RBFOX1: variants seen among roughly 807,000 people sequenced by gnomAD.
The protein encoded by RBFOX1 is RNA binding fox-1 homolog 1, also known as RNA binding protein fox-1 homolog 1.
A neutral mutation model predicts 57.7 loss-of-function variants in RBFOX1; 8 were observed. The ratio of observed to expected loss-of-function variants is 0.14; its 90% confidence interval spans 0.08 to 0.25. The LOEUF (loss-of-function observed/expected upper bound fraction) is 0.25, where lower values mean the gene tolerates loss of function less well. Ranked by LOEUF, RBFOX1 falls within the 10% of genes least tolerant of loss-of-function variation. RBFOX1 has a pLI of 1.00. For synonymous variants in RBFOX1, 326 were observed against 222.4 expected, an observed-to-expected ratio of 1.47 and a Z score of -4.15; for missense variants, 611 against 548.5, an observed-to-expected ratio of 1.11 and a Z score of -1.14.
intron 1 of RBFOX1, among the ~76,000 whole-genome samples, chr16:5,330,954 C>A (rs998377946): frequency 7.0e-6 from 1 of 143,820 alleles, no homozygotes; most frequent in Non-Finnish European, 1.5e-5. Flanking sequence ...CTTTAGATAG[C>A]AAAGCACAAA....
chr16:5,387,020 C>G (rs1249440258), intron 1 of RBFOX1, among the ~76,000 whole-genome samples: 2 of 152,282 alleles, frequency 1.3e-5, no homozygotes, highest in Non-Finnish European at 2.9e-5. Context: ...CATTGCACTC[C>G]AGCCTGGGCA....
At chr16:6,923,101 A>C (rs915134803) in intron 3 of RBFOX1, among the ~76,000 whole-genome samples, 3 of 152,186 alleles carry the variant, frequency 2.0e-5, no homozygotes, top group African/African-American at 4.8e-5. Flanking sequence ...GCAATGAGAG[A>C]AAGTGATTTG....
rs369331178 is a variant in RBFOX1 at position 6,083,708 on chromosome 16, C to G, written c.-127+63716C>G. Among the ~76,000 whole-genome samples the G allele has an allele frequency of 7.9e-5, 12 of 152,202 alleles. No homozygotes were observed. In the East Asian group the frequency reaches 1.2e-3, roughly 15 times the overall value. ...CCCAGGCTGGACTCAAACTCCCAGG[C>G]TCATGCGATCCTCCTACCTTGGCCT... On this transcript the variant is annotated intron_variant, in intron 1 of 15. Coordinates refer to ENST00000550418, the MANE Select transcript of RBFOX1 (RefSeq NM_018723.4).
chr16:6,707,988 C>T (rs926049577), intron 3 of RBFOX1, among the ~76,000 whole-genome samples: 2 of 152,136 alleles, frequency 1.3e-5, no homozygotes, highest in Admixed American at 1.3e-4. Context: ...ACCTAGACAT[C>T]AGGTAGTGCT....
chr16:6,912,321 T>A (rs2071846175), intron 3 of RBFOX1, among the ~76,000 whole-genome samples: 1 of 152,076 alleles, frequency 6.6e-6, no homozygotes, highest in South Asian at 2.1e-4. Context: ...AGCTCTGGGG[T>A]GGAGCTCTGT....
chr16:5,602,095 G>A (rs531250405), downstream of RBFOX1, among the ~76,000 whole-genome samples: 7 of 152,210 alleles, frequency 4.6e-5, no homozygotes, highest in African/African-American at 1.7e-4. Context: ...CAGGGCTGCT[G>A]AGCTGGGTCC....
chr16:6,752,896 G>C (rs1421541428), intron 3 of RBFOX1, among the ~76,000 whole-genome samples: 1 of 151,676 alleles, frequency 6.6e-6, no homozygotes, highest in Admixed American at 6.6e-5. Flanking sequence ...TTCTCCCAGA[G>C]AATTTTTATC....
At chr16:6,772,159 G>A (rs2078401399) in intron 3 of RBFOX1, among the ~76,000 whole-genome samples, 1 of 152,062 alleles carries the variant, frequency 6.6e-6, no homozygotes, top group African/African-American at 2.4e-5. Context: ...GGTGGTTCCG[G>A]TGTGGGCAAA....
At chr16:6,742,544 C>G (rs1257552139) in intron 3 of RBFOX1, among the ~76,000 whole-genome samples, 1 of 152,116 alleles carries the variant, frequency 6.6e-6, no homozygotes, top group Non-Finnish European at 1.5e-5. Flanking sequence ...CAATTATTGT[C>G]AGCAGTTTTA....
At chr16:6,249,774 T>TC (rs2097592950) in intron 1 of RBFOX1, among the ~76,000 whole-genome samples, 1 of 148,960 alleles carries the variant, frequency 6.7e-6, no homozygotes. Context: ...TTTTTTTTCT[T>TC]TTTTTTTTTT....
At chr16:5,613,243 G>C (rs752408814) in intron 3 of RBFOX1, among the ~76,000 whole-genome samples, 41 of 152,164 alleles carry the variant, frequency 2.7e-4, no homozygotes, top group Non-Finnish European at 4.7e-4. Context: ...CCCAACATGT[G>C]GGTGGACATC....
chr16:6,494,234 C>T (rs2095704775), intron 2 of RBFOX1, among the ~76,000 whole-genome samples: 1 of 152,164 alleles, frequency 6.6e-6, no homozygotes, highest in African/African-American at 2.4e-5. Flanking sequence ...CCTAAGGTTA[C>T]TTGCACGTAT....
chr16:6,712,831 C>G (rs1159393662), intron 3 of RBFOX1, among the ~76,000 whole-genome samples: 3 of 151,506 alleles, frequency 2.0e-5, no homozygotes, highest in Admixed American at 2.0e-4. Context: ...GCTCTCATCA[C>G]CCTCATGTGT....
chr16:7,683,520 G>C (rs1451395688), intron 14 of RBFOX1, among the ~76,000 whole-genome samples: 1 of 152,100 alleles, frequency 6.6e-6, no homozygotes, highest in Non-Finnish European at 1.5e-5. Flanking sequence ...CCACCAAGGA[G>C]TTGGGGAGAG....
intron 3 of RBFOX1, among the ~76,000 whole-genome samples, chr16:6,981,318 C>G (rs1456717657): frequency 6.6e-6 from 1 of 151,976 alleles, no homozygotes; most frequent in Non-Finnish European, 1.5e-5. Context: ...CTCTATGTGT[C>G]CATGTGTTCT....
chr16:7,659,878 T>A (rs1372756152), intron 12 of RBFOX1, among the ~76,000 whole-genome samples: 1 of 152,192 alleles, frequency 6.6e-6, no homozygotes, highest in Non-Finnish European at 1.5e-5. Context: ...CACAGATGCC[T>A]TTAATAATCT....
At chr16:5,971,698 G>A (rs2059964514) in intron 4 of RBFOX1, among the ~76,000 whole-genome samples, 1 of 152,136 alleles carries the variant, frequency 6.6e-6, no homozygotes, top group East Asian at 1.9e-4. Flanking sequence ...ATATACGAAG[G>A]ATATGAAGGA....
At chr16:6,816,112 A>C (rs967090341) in intron 3 of RBFOX1, among the ~76,000 whole-genome samples, 1 of 152,128 alleles carries the variant, frequency 6.6e-6, no homozygotes, top group African/African-American at 2.4e-5. Context: ...GTTCGAGACC[A>C]GCCTGTGCAA....
At chr16:6,112,725 G>C (rs1567484362) in intron 1 of RBFOX1, among the ~76,000 whole-genome samples, 1 of 152,172 alleles carries the variant, frequency 6.6e-6, no homozygotes, top group Non-Finnish European at 1.5e-5. Flanking sequence ...TGAGGTGAGA[G>C]ATGGAGTGGA....
Sources: allele counts gnomAD v4.1 joint callset (sites outside exome capture counted in the v4.1 genomes callset), GRCh38; gene constraint gnomAD v4.1.1; transcripts MANE v1.5; gene names NCBI Gene and HGNC (gene_info 2026-07-23, HGNC 2026-07-21).